Variants in PACS1 observed in about 807,000 individuals in gnomAD.
PACS1 encodes the protein phosphofurin acidic cluster sorting protein 1, also known as PACS-1.
Under a neutral mutation model 115.0 loss-of-function variants are expected in PACS1, and 24 were observed. The observed-to-expected ratio is 0.21, with a 90% CI of 0.15 to 0.29. The LOEUF (loss-of-function observed/expected upper bound fraction) is 0.29. Ranked by LOEUF, PACS1 falls within the 10% of genes least tolerant of loss-of-function variation. PACS1 has a pLI of 1.00. For missense variants in PACS1, 838 were observed against 1,251.2 expected (o/e 0.67, Z 4.98); for synonymous variants, 453 against 504.5 (o/e 0.90, Z 1.37).
chr11:66,149,346 C>T (rs1272695246), intron 1 of PACS1, among the ~76,000 whole-genome samples: 1 of 152,058 alleles, frequency 6.6e-6, no homozygotes, highest in East Asian at 1.9e-4. Context: ...CCTGCCTCGG[C>T]CTCCCAAAGT....
At chr11:66,097,244 G>A (rs1489846466) in intron 1 of PACS1, among the ~76,000 whole-genome samples, 1 of 152,124 alleles carries the variant, frequency 6.6e-6, no homozygotes, top group Non-Finnish European at 1.5e-5. Context: ...CTCACTGATA[G>A]AATATGGCAG....
At chr11:66,094,035 G>A (rs1347813044) in intron 1 of PACS1, among the ~76,000 whole-genome samples, 9 of 150,396 alleles carry the variant, frequency 6.0e-5, no homozygotes, top group Non-Finnish European at 8.9e-5. Flanking sequence ...TCTCTGGGAC[G>A]CATTCAAAGC....
chr11:66,114,478 A>T (rs1858260843), intron 1 of PACS1, among the ~76,000 whole-genome samples: 1 of 151,736 alleles, frequency 6.6e-6, no homozygotes, highest in African/African-American at 2.4e-5. Flanking sequence ...GGCCTATCTC[A>T]TACTTTTTAA....
At chr11:66,092,091 C>T (rs1266706942) in intron 1 of PACS1, among the ~76,000 whole-genome samples, 3 of 152,212 alleles carry the variant, frequency 2.0e-5, no homozygotes, top group Admixed American at 6.5e-5. Flanking sequence ...CCTGAGGAAT[C>T]GCCACATTGA....
In PACS1 at chr11:66,213,349, C is replaced by T. The variant is rs146871409; in HGVS notation, c.660+2090C>T. On this transcript the variant is annotated intron_variant, in intron 4 of 23. Coordinates refer to ENST00000320580, the MANE Select transcript of PACS1 (RefSeq NM_018026.4). ...CAGCTTTGAGTCCTTAGTAATATGT[C>T]TCATCATTCGTTACATCCTACCGTA... is the stretch of plus-strand genomic sequence containing the variant. Among the ~76,000 whole-genome samples the T allele has an allele frequency of 9.0e-3, 1,377 of 152,300 alleles. 27 individuals carry two copies. The highest frequency in any genetic ancestry group is 0.031 in the African/African-American group (1,291 of 41,562).
intron 2 of PACS1, 73 bp downstream of exon 2, chr11:66,193,646 GA>G: frequency 1.1e-5 from 11 of 1,013,938 alleles, no homozygotes; most frequent in Non-Finnish European, 1.7e-5. Flanking sequence ...TGCGGCTTCA[GA>G]AACACTACTG....
chr11:66,121,617 A>G (rs1178788264), intron 1 of PACS1, among the ~76,000 whole-genome samples: 1 of 152,208 alleles, frequency 6.6e-6, no homozygotes, highest in Admixed American at 6.5e-5. Context: ...ACTCCAGTGA[A>G]CTCCGGAATG....
chr11:66,114,636 CTTAT>C (rs1196924812), intron 1 of PACS1, among the ~76,000 whole-genome samples: 2 of 151,964 alleles, frequency 1.3e-5, no homozygotes, highest in Admixed American at 6.6e-5. Flanking sequence ...TCTTTCATTT[CTTAT>C]TTAGTTATAT....
chr11:66,239,313 T>C (rs1855765601), intron 21 of PACS1, 36 bp downstream of exon 21: 2 of 1,585,264 alleles, frequency 1.3e-6, no homozygotes, highest in Non-Finnish European at 8.6e-7. Flanking sequence ...TGCCATGCCC[T>C]CCATCAGGCC....
rs564840229 is a variant in PACS1, at chr11:66,216,980, T to C, written c.978+205T>C. 2.3e-4 allele frequency: 131 copies of C among 568,038 alleles called. 8 individuals are homozygous for C. The South Asian group carries it at 2.5e-3, about 11-fold the overall frequency. The allele number at this position is 568,038 out of a possible 1,614,324, so 35.2% of individuals were successfully genotyped here. A position where few individuals can be genotyped will look rare whatever the true frequency, so the allele number is the denominator to read the frequency against. ...ACCACAATTACTGATAAGAGTGTTATATCCTTCAGGTTATCGTCAGATAGA... is the reference window on the plus strand; with the variant it reads ...ACCACAATTACTGATAAGAGTGTTACATCCTTCAGGTTATCGTCAGATAGA... On this transcript the variant is annotated intron_variant, in intron 7 of 23. Transcript: ENST00000320580.
At chr11:66,223,966 G>C (rs1262485853) in intron 10 of PACS1, among the ~76,000 whole-genome samples, 1 of 152,290 alleles carries the variant, frequency 6.6e-6, no homozygotes, top group East Asian at 1.9e-4. Flanking sequence ...GGGAGGCCGA[G>C]GTGGGTGGAC....
chr11:66,216,255 A>G lies in PACS1; in HGVS notation c.797A>G (p.Lys266Arg). ...QPIDHEGIKSKLSDRSPDIDN... is the reference protein window; with the variant it reads ...QPIDHEGIKSRLSDRSPDIDN... ...ATTGACCATGAAGGAATCAAATCCAAGCTTTCTGGTAAGAAGCATGCAGCA... is the reference window on the plus strand; with the variant it reads ...ATTGACCATGAAGGAATCAAATCCAGGCTTTCTGGTAAGAAGCATGCAGCA... The change falls in exon 5 of 24, where the codon AAG (lysine) becomes AGG (arginine). Residue 266 changes from lysine (K) to arginine (R), a missense_variant. By Grantham distance (26) the Lys-to-Arg change is conservative. Around this residue, in one of 6 missense-constraint regions of PACS1, gnomAD observed 223 missense variants for 354.0 expected, o/e 0.63. Coordinates refer to ENST00000320580, the MANE Select transcript of PACS1 (RefSeq NM_018026.4). The G allele has an allele frequency of 6.2e-7, 1 of 1,614,096 alleles. No homozygotes were observed. The highest frequency in any genetic ancestry group is 8.5e-7 in the Non-Finnish European group (1 of 1,180,016).
chr11:66,243,428 C>T lies in PACS1; in HGVS notation c.*148C>T. 1 of 620,690 alleles carries T rather than the reference C, an allele frequency of 1.6e-6. No homozygotes were observed. Among genetic ancestry groups the T allele is most frequent in the Non-Finnish European group, 2.9e-6 (1 of 347,704 alleles). The allele number at this position is 620,690 out of a possible 1,614,324, so 38.4% of individuals were successfully genotyped here. A position where few individuals can be genotyped will look rare whatever the true frequency, so the allele number is the denominator to read the frequency against. On this transcript the variant is annotated 3_prime_UTR_variant, in exon 24 of 24. Transcript: ENST00000320580. Reference sequence around the variant, plus strand: ...TCGCCCAGGTCCCGAAGGACACTGCCACAGGGACGCCTTCCCTCCCCTCCC... The same window carrying T: ...TCGCCCAGGTCCCGAAGGACACTGCTACAGGGACGCCTTCCCTCCCCTCCC...
At chr11:66,198,198 C>T (rs1854691542) in intron 2 of PACS1, among the ~76,000 whole-genome samples, 1 of 152,204 alleles carries the variant, frequency 6.6e-6, no homozygotes, top group Non-Finnish European at 1.5e-5. Flanking sequence ...TAGGCTTGTG[C>T]CACCATGCCC....
At chr11:66,230,422 CT>C in intron 11 of PACS1, 125 bp from the exon 12 acceptor site, 1 of 692,660 alleles carries the variant, frequency 1.4e-6, no homozygotes, top group Non-Finnish European at 2.5e-6. Flanking sequence ...GGACCACTTG[CT>C]TTCAGGAAAA....
At chr11:66,142,508 A>G (rs1416237769) in intron 1 of PACS1, among the ~76,000 whole-genome samples, 5 of 150,948 alleles carry the variant, frequency 3.3e-5, no homozygotes, top group Non-Finnish European at 7.4e-5. Flanking sequence ...GGGTTTCGCC[A>G]TGGTGCCCAG....
chr11:66,092,829 T>C (rs1857692158), intron 1 of PACS1, among the ~76,000 whole-genome samples: 1 of 152,168 alleles, frequency 6.6e-6, no homozygotes, highest in African/African-American at 2.4e-5. Context: ...GATCAGATAG[T>C]TGTAGATATG....
At chr11:66,154,186 C>T (rs1859305099) in intron 1 of PACS1, among the ~76,000 whole-genome samples, 1 of 152,152 alleles carries the variant, frequency 6.6e-6, no homozygotes, top group Non-Finnish European at 1.5e-5. Context: ...TCAGTAATCC[C>T]AGTGCTTTGG....
Position 66,236,117 on chromosome 11 carries a change from A to ACCCAGTGGGTG in PACS1, c.2250+178_2250+188dup, listed in dbSNP as rs142638583. On this transcript the variant is annotated intron_variant, in intron 19 of 23. Coordinates refer to ENST00000320580, the MANE Select transcript of PACS1 (RefSeq NM_018026.4). This position sits in a 1 kb window ranked among gnomAD's most constrained non-coding sequence, Gnocchi z 4.2. ...CGTGTTTGGTTGTTATACGGGGGGT[A>ACCCAGTGGGTG]CCCAGTGGGTGGAGGCCAGGGATGC... 2.0e-5 allele frequency among the ~76,000 whole-genome samples: 3 copies of ACCCAGTGGGTG among 152,008 alleles called. No homozygotes were observed. The highest frequency in any genetic ancestry group is 2.0e-4 in the Admixed American group (3 of 15,258).
Sources: allele counts gnomAD v4.1 joint callset (sites outside exome capture counted in the v4.1 genomes callset), GRCh38; gene constraint gnomAD v4.1.1; regional missense constraint gnomAD v4.1.1; non-coding constraint Gnocchi (gnomAD v3.1); transcripts MANE v1.5; gene names NCBI Gene and HGNC (gene_info 2026-07-23, HGNC 2026-07-21).